Variants in RBFOX1 observed in about 807,000 individuals in gnomAD.
RBFOX1 encodes the protein RNA binding fox-1 homolog 1.
In RBFOX1, 8 loss-of-function variants were observed where a neutral mutation model predicts 57.7. The ratio of observed to expected loss-of-function variants is 0.14; its 90% CI spans 0.08 to 0.25. The LOEUF (loss-of-function observed/expected upper bound fraction) is 0.25, where lower values mean the gene tolerates loss of function less well. RBFOX1 is among the 10% of genes least tolerant of loss of function. RBFOX1 has a pLI of 1.00. For synonymous variants in RBFOX1, 326 were observed against 222.4 expected (o/e 1.47, Z -4.15); for missense variants, 611 against 548.5 (o/e 1.11, Z -1.14).
chr16:6,427,062 TTA>T (rs1162155346), intron 2 of RBFOX1, among the ~76,000 whole-genome samples: 10 of 152,178 alleles, frequency 6.6e-5, no homozygotes, highest in Non-Finnish European at 1.5e-4. Context: ...CCTGCTGATA[TTA>T]TGAGGTAGGG....
rs1491444248 is a variant in RBFOX1, at chr16:7,149,501, T to TTTA, written c.27+97404_27+97405insTAT. On this transcript the variant is annotated intron_variant, in intron 4 of 15. Coordinates refer to ENST00000550418, the MANE Select transcript of RBFOX1 (RefSeq NM_018723.4). Reference sequence around the variant, plus strand: ...TTCTTTCCTTTTTTTTTTTTTTTTTTTCCCCGACAGGGTCTCATTCTATCA... The same window carrying TTTA: ...TTCTTTCCTTTTTTTTTTTTTTTTTTTTATCCCCGACAGGGTCTCATTCTATCA... Among the ~76,000 whole-genome samples, 1,059 of 117,586 alleles carry TTTA rather than the reference T, an allele frequency of 9.0e-3. 5 individuals carry two copies. Among genetic ancestry groups the TTTA allele is most frequent in the Non-Finnish European group, 0.015 (844 of 56,600 alleles). The allele number at this position is 117,586 out of a possible 152,430, so 77.1% of individuals were successfully genotyped here.
At chr16:6,751,138 G>A (rs74007010) in intron 3 of RBFOX1, among the ~76,000 whole-genome samples, 1 of 152,206 alleles carries the variant, frequency 6.6e-6, no homozygotes, top group Non-Finnish European at 1.5e-5. Flanking sequence ...GCCAGGTCCT[G>A]TGTGGCCTTT....
intron 2 of RBFOX1, among the ~76,000 whole-genome samples, chr16:6,570,309 T>A (rs2097327390): frequency 6.6e-6 from 1 of 152,210 alleles, no homozygotes; most frequent in Non-Finnish European, 1.5e-5. Flanking sequence ...GTGTTTTAAC[T>A]CTCAATGTAT....
intron 4 of RBFOX1, among the ~76,000 whole-genome samples, chr16:7,151,952 C>G (rs928407015): frequency 2.6e-5 from 4 of 152,148 alleles, no homozygotes; most frequent in African/African-American, 9.7e-5. Context: ...TGAAGCTTTG[C>G]TTGCTCACCT....
intron 1 of RBFOX1, among the ~76,000 whole-genome samples, chr16:5,275,566 G>A (rs2151134172): frequency 6.6e-6 from 1 of 152,336 alleles, no homozygotes; most frequent in East Asian, 1.9e-4. Context: ...CACATTCCAT[G>A]CTCATGGATG....
At chr16:5,846,827 C>T (rs1468924116) in intron 3 of RBFOX1, among the ~76,000 whole-genome samples, 1 of 152,226 alleles carries the variant, frequency 6.6e-6, no homozygotes, top group Non-Finnish European at 1.5e-5. Flanking sequence ...ATGCTTGCTT[C>T]ACTGGGGACT....
At chr16:5,661,109 G>T (rs2049633233) in intron 3 of RBFOX1, among the ~76,000 whole-genome samples, 1 of 152,138 alleles carries the variant, frequency 6.6e-6, no homozygotes, top group Admixed American at 6.5e-5. Flanking sequence ...GAAAAGAAAG[G>T]AAACTTAAAA....
chr16:6,122,256 T>G (rs1334553866), intron 1 of RBFOX1, among the ~76,000 whole-genome samples: 1 of 152,100 alleles, frequency 6.6e-6, no homozygotes, highest in Non-Finnish European at 1.5e-5. Flanking sequence ...ACGTCCTGAT[T>G]GTCTCATCTG....
intron 1 of RBFOX1, among the ~76,000 whole-genome samples, chr16:6,255,325 G>A (rs1208407156): frequency 1.3e-5 from 2 of 152,098 alleles, no homozygotes; most frequent in African/African-American, 4.8e-5. Context: ...GTTCACTTGG[G>A]GCCCTTTTCT....
At chr16:7,242,853 G>C (rs114776775) in intron 4 of RBFOX1, among the ~76,000 whole-genome samples, 2,285 of 152,278 alleles carry the variant, frequency 0.015, 70 homozygotes, top group African/African-American at 0.053. Flanking sequence ...GACTGTGCTG[G>C]TGAGAGAGAT....
At chr16:5,948,184 G>C (rs2059443980) in intron 4 of RBFOX1, among the ~76,000 whole-genome samples, 1 of 152,160 alleles carries the variant, frequency 6.6e-6, no homozygotes, top group Non-Finnish European at 1.5e-5. Flanking sequence ...TTGCTATAGA[G>C]GGGAGGAAGG....
intron 4 of RBFOX1, among the ~76,000 whole-genome samples, chr16:7,298,630 G>A (rs909742283): frequency 2.6e-5 from 4 of 152,172 alleles, no homozygotes; most frequent in Non-Finnish European, 4.4e-5. Context: ...CCAAAACTAT[G>A]ATTAGCCCAC....
chr16:5,327,266 C>G (rs1487125142), intron 1 of RBFOX1, among the ~76,000 whole-genome samples: 1 of 152,080 alleles, frequency 6.6e-6, no homozygotes, highest in African/African-American at 2.4e-5. Context: ...CTGAATGGGA[C>G]CCTGCCCCAT....
At chr16:5,835,648 C>G (rs1313142277) in intron 3 of RBFOX1, among the ~76,000 whole-genome samples, 1 of 152,206 alleles carries the variant, frequency 6.6e-6, no homozygotes, top group Non-Finnish European at 1.5e-5. Context: ...GCAGGTGGCT[C>G]TGCCTGGACC....
At chr16:6,888,225 A>T (rs766766311) in intron 3 of RBFOX1, among the ~76,000 whole-genome samples, 1 of 152,198 alleles carries the variant, frequency 6.6e-6, no homozygotes, top group African/African-American at 2.4e-5. Flanking sequence ...TGTAAAACCA[A>T]TGAAAAGAAA....
At chr16:5,724,889 A>G (rs963185555) in intron 3 of RBFOX1, among the ~76,000 whole-genome samples, 2 of 152,160 alleles carry the variant, frequency 1.3e-5, no homozygotes, top group African/African-American at 4.8e-5. Flanking sequence ...ATGATCCTCA[A>G]AGATTGTCTG....
At chr16:7,147,805 A>G (rs1388345847) in intron 4 of RBFOX1, among the ~76,000 whole-genome samples, 1 of 152,100 alleles carries the variant, frequency 6.6e-6, no homozygotes, top group Non-Finnish European at 1.5e-5. Flanking sequence ...TTTTTGGTAG[A>G]ACGATTTATT....
At chr16:5,809,190 T>G (rs1172037049) in intron 3 of RBFOX1, among the ~76,000 whole-genome samples, 3 of 152,172 alleles carry the variant, frequency 2.0e-5, no homozygotes, top group African/African-American at 7.2e-5. Flanking sequence ...GATTCAAGAC[T>G]TAAACATTAG....
At chr16:5,648,614 T>C (rs923199632) in intron 3 of RBFOX1, among the ~76,000 whole-genome samples, 4 of 152,056 alleles carry the variant, frequency 2.6e-5, no homozygotes, top group Admixed American at 2.6e-4. Flanking sequence ...CCAAGAATGA[T>C]CTTACCCAAC....
Sources: gnomAD v4.1 joint callset for allele counts (sites outside exome capture counted in the v4.1 genomes callset) on GRCh38, gnomAD v4.1.1 for gene constraint, MANE v1.5 for transcripts, NCBI Gene and HGNC (gene_info 2026-07-23, HGNC 2026-07-21) for gene names.